Variants in SUPT6H observed in about 807,000 individuals in gnomAD.
The protein encoded by SUPT6H is SPT6 homolog, histone chaperone and transcription elongation factor, also known as transcription elongation factor SPT6.
SUPT6H carries 11 observed loss-of-function variants against 222.3 expected under a neutral mutation model. The observed-to-expected ratio is 0.05, with a 90% CI of 0.03 to 0.08. The LOEUF is 0.08. Among genes scored for constraint, SUPT6H ranks in the 10% least tolerant of loss-of-function variants. The pLI, the probability that SUPT6H is intolerant of heterozygous loss-of-function variation, is 1.00. For missense variants in SUPT6H, 1,422 were observed against 2,216.0 expected (o/e 0.64, Z 7.19); for synonymous variants, 762 against 801.2 (o/e 0.95, Z 0.83).
intron 11 of SUPT6H, among the ~76,000 whole-genome samples, chr17:28,679,644 T>G (rs2030977061): frequency 6.6e-6 from 1 of 151,638 alleles, no homozygotes; most frequent in African/African-American, 2.4e-5. Context: ...CCTCCCAAAG[T>G]GCTGGGATTA....
In SUPT6H at chr17:28,702,033, G is replaced by A. The variant is rs2151672669; in HGVS notation, c.*408G>A. 1 of 169,046 alleles carries A rather than the reference G, an allele frequency of 5.9e-6. No homozygotes were observed. The highest frequency in any genetic ancestry group is 1.8e-4 in the South Asian group (1 of 5,522). The allele number at this position is 169,046 out of a possible 1,614,324, so 10.5% of individuals were successfully genotyped here. ...CTCCCCTAGCTCTCGTGGGGAGAGG[G>A]ATGCTATTTATTCAGTTTGGGGCAG... On this transcript the variant is annotated 3_prime_UTR_variant, in exon 37 of 37. Transcript: ENST00000314616.
intron 11 of SUPT6H, among the ~76,000 whole-genome samples, chr17:28,679,899 A>C (rs1446883543): frequency 6.7e-6 from 1 of 148,182 alleles, no homozygotes; most frequent in Non-Finnish European, 1.5e-5. Context: ...CTGAGGCAGG[A>C]GAATTGCTTG....
rs770269842 is a variant in SUPT6H at position 28,701,467 on chromosome 17, G to A, written c.5023G>A (p.Gly1675Arg). 6 of 1,614,154 alleles carry A rather than the reference G, an allele frequency of 3.7e-6. No individual in the cohort carries two copies. In the East Asian group the frequency reaches 1.1e-4, roughly 30 times the overall value. The change falls in exon 37 of 37, where the codon GGA (glycine) becomes AGA (arginine). Residue 1675 changes from glycine to arginine, a missense_variant. Around this residue, in one of 13 missense-constraint regions of SUPT6H, gnomAD observed 395 missense variants for 580.6 expected, o/e 0.68. Coordinates refer to ENST00000314616, the MANE Select transcript of SUPT6H (RefSeq NM_003170.5). ...KSNSHAAIDW[G>R]KMAEQWLQEK... ...CAACAGCCATGCAGCCATCGACTGG[G>A]GAAAAATGGCGGAGCAGTGGCTGCA... is the stretch of plus-strand genomic sequence containing the variant.
At chr17:28,682,097 C>G in intron 13 of SUPT6H, 117 bp downstream of exon 13, 1 of 717,012 alleles carries the variant, frequency 1.4e-6, no homozygotes, top group African/African-American at 1.8e-5. Context: ...CCAATCCAAT[C>G]CTGAACTAGC....
Sources: gnomAD v4.1 joint callset for allele counts (sites outside exome capture counted in the v4.1 genomes callset) on GRCh38, gnomAD v4.1.1 for gene constraint, gnomAD v4.1.1 regional missense constraint, MANE v1.5 for transcripts, NCBI Gene and HGNC (gene_info 2026-07-23, HGNC 2026-07-21) for gene names.